POLN: variants seen among roughly 807,000 people sequenced by gnomAD.
POLN encodes the protein DNA polymerase nu, also known as DNA polymerase N.
In POLN, 108 loss-of-function variants were observed where a neutral mutation model predicts 113.5. The ratio of observed to expected loss-of-function variants is 0.95; its 90% CI spans 0.81 to 1.12. The LOEUF is 1.12. Among genes scored for constraint, POLN ranks in the 50% most tolerant of loss-of-function variants. The pLI, the probability that POLN is intolerant of heterozygous loss-of-function variation, is 0.00. For synonymous variants in POLN, 386 were observed against 391.5 expected, an observed-to-expected ratio of 0.99 and a Z score of 0.17; for missense variants, 1,097 against 1,077.1, an observed-to-expected ratio of 1.02 and a Z score of -0.26.
At chr4:2,113,377 A>G (rs1283754354) in intron 19 of POLN, among the ~76,000 whole-genome samples, 2 of 151,966 alleles carry the variant, frequency 1.3e-5, no homozygotes, top group Non-Finnish European at 2.9e-5. Context: ...CCTAAAACTT[A>G]AAGTATAATA....
chr4:2,165,141 G>A (rs1057329251), intron 13 of POLN, among the ~76,000 whole-genome samples: 4 of 152,034 alleles, frequency 2.6e-5, no homozygotes, highest in Admixed American at 6.6e-5. Flanking sequence ...ATTTATCTCC[G>A]CTTTATTTGT....
chr4:2,072,224 G>A lies in POLN; in HGVS notation c.2593C>T (p.Pro865Ser). ...LVPLQEAWGP[P>S]PGPCRTESPS... ...GACTCAGTGCGACATGGGCCTGGCG[G>A]AGGGCCCCAGGCCTCCTGCAGTGGC... The change falls in exon 26 of 26, where the codon CCG (proline) becomes TCG (serine). Residue 865 changes from proline (P) to serine (S), a missense_variant. Coordinates refer to ENST00000511885, the MANE Select transcript of POLN (RefSeq NM_181808.4). 1 of 1,605,944 alleles carries A rather than the reference G, an allele frequency of 6.2e-7. No homozygotes were observed. Among genetic ancestry groups the A allele is most frequent in the Non-Finnish European group, 8.5e-7 (1 of 1,175,338 alleles).
At chr4:2,161,894 A>C (rs182825425) in intron 13 of POLN, among the ~76,000 whole-genome samples, 1 of 151,950 alleles carries the variant, frequency 6.6e-6, no homozygotes, top group Non-Finnish European at 1.5e-5. Context: ...GTATCTAGCT[A>C]CTCTGGTGGG....
chr4:2,229,890 T>A (rs1335653821), intron 2 of POLN: 1 of 152,100 alleles, frequency 6.6e-6, no homozygotes, highest in Non-Finnish European at 1.5e-5. Flanking sequence ...ACACAACGAT[T>A]ATAAGTAACT....
At chr4:2,134,127 T>C (rs1024169864) in intron 16 of POLN, among the ~76,000 whole-genome samples, 3 of 152,230 alleles carry the variant, frequency 2.0e-5, no homozygotes, top group Non-Finnish European at 4.4e-5. Flanking sequence ...CCTTTCCAGA[T>C]TGATTTATTT....
intron 5 of POLN, among the ~76,000 whole-genome samples, chr4:2,204,672 A>G (rs1256672448): frequency 6.6e-6 from 1 of 152,236 alleles, no homozygotes; most frequent in Non-Finnish European, 1.5e-5. Flanking sequence ...TCTGATGAAC[A>G]TAGATGCAAA....
chr4:2,209,974 CAAATTTACTTTATATATATATAT>C (rs1207587717), intron 4 of POLN, among the ~76,000 whole-genome samples: 1 of 147,296 alleles, frequency 6.8e-6, no homozygotes, highest in Non-Finnish European at 1.5e-5. Flanking sequence ...GGCTTATTTT[CAAATTTACTTTATATATATATAT>C]AAATTTACTT....
chr4:2,119,659 T>C (rs1475280520), intron 19 of POLN, among the ~76,000 whole-genome samples: 1 of 152,200 alleles, frequency 6.6e-6, no homozygotes, highest in Non-Finnish European at 1.5e-5. Context: ...TAACATCAAA[T>C]TGCCTTTTTG....
At chr4:2,091,041 G>T (rs1262451983) in intron 20 of POLN, among the ~76,000 whole-genome samples, 1 of 152,202 alleles carries the variant, frequency 6.6e-6, no homozygotes, top group Non-Finnish European at 1.5e-5. Flanking sequence ...TTGCCTTCAG[G>T]TGAGGGTCTA....
intron 3 of POLN, among the ~76,000 whole-genome samples, chr4:2,214,079 T>C (rs1388159608): frequency 6.6e-6 from 1 of 151,836 alleles, no homozygotes; most frequent in African/African-American, 2.4e-5. Flanking sequence ...CTACTAAAAA[T>C]ACAAAAATTA....
At chr4:2,099,394 G>A (rs186904702) in intron 19 of POLN, among the ~76,000 whole-genome samples, 86 of 152,326 alleles carry the variant, frequency 5.6e-4, no homozygotes, top group African/African-American at 1.9e-3. Context: ...TGAAGGGAAC[G>A]GCCCTGCACC....
chr4:2,079,605 TAGAC>T (rs983655961), intron 23 of POLN: 55 of 985,128 alleles, frequency 5.6e-5, no homozygotes, highest in Admixed American at 6.2e-5. Context: ...TTTTTTCTGT[TAGAC>T]AGAGTCTTGC....
chr4:2,167,853 T>G (rs1231524088), intron 13 of POLN, among the ~76,000 whole-genome samples: 2 of 152,012 alleles, frequency 1.3e-5, no homozygotes, highest in Non-Finnish European at 2.9e-5. Context: ...GAGCTGAGAT[T>G]ACATCACTGC....
At chr4:2,101,851 C>G (rs1044680242) in intron 19 of POLN, among the ~76,000 whole-genome samples, 1 of 152,180 alleles carries the variant, frequency 6.6e-6, no homozygotes, top group African/African-American at 2.4e-5. Context: ...CTGAGCAGGA[C>G]GAGAGTAGCT....
At chr4:2,152,693 T>A (rs915294201) in intron 16 of POLN, among the ~76,000 whole-genome samples, 3 of 152,144 alleles carry the variant, frequency 2.0e-5, no homozygotes, top group Non-Finnish European at 2.9e-5. Context: ...GATTCAAGTT[T>A]TATGTGTAAA....
At position 2,208,203 on chromosome 4, in the gene POLN, C is replaced by A. The variant is rs907704108; in HGVS notation, c.498G>T (p.Glu166Asp). ...CCAATGCCATTTGTTTACTTGTTTT[C>A]TCTGACAAATTATTATATGTAATAT... ...RKHITYNNLSEKTSKQMALEE... is the reference protein window; with the variant it reads ...RKHITYNNLSDKTSKQMALEE... The change falls in exon 5 of 26, where the codon GAG becomes GAT. Residue 166 changes from glutamate to aspartate, a missense_variant. Physicochemically the swap from Glu to Asp is conservative, Grantham distance 45. Coordinates refer to ENST00000511885, the MANE Select transcript of POLN (RefSeq NM_181808.4). The A allele has an allele frequency of 1.2e-6, 2 of 1,604,440 alleles. No homozygotes were observed. The highest frequency in any genetic ancestry group is 1.1e-5 in the South Asian group (1 of 90,786).
At chr4:2,081,463 C>T (rs1282994921) in intron 22 of POLN, 170 bp downstream of exon 22, 2 of 682,180 alleles carry the variant, frequency 2.9e-6, no homozygotes, top group Non-Finnish European at 5.1e-6. Context: ...CCCCTCATGC[C>T]TCCTGACAGT....
At chr4:2,107,480 G>A (rs1731091755) in intron 19 of POLN, among the ~76,000 whole-genome samples, 1 of 152,206 alleles carries the variant, frequency 6.6e-6, no homozygotes. Context: ...TGAAGGCTTG[G>A]AGGGGTTGCA....
At chr4:2,210,923 T>TAATAAATAAATA (rs4030453) in intron 4 of POLN, among the ~76,000 whole-genome samples, 35 of 134,468 alleles carry the variant, frequency 2.6e-4, no homozygotes, top group African/African-American at 3.4e-4. Flanking sequence ...TCTCAAAACA[T>TAATAAATAAATA]AATAAATAAA....
Sources: gnomAD v4.1 joint callset for allele counts (sites outside exome capture counted in the v4.1 genomes callset) on GRCh38, gnomAD v4.1.1 for gene constraint, MANE v1.5 for transcripts, NCBI Gene and HGNC (gene_info 2026-07-23, HGNC 2026-07-21) for gene names.